SLCO3A1: variants seen among roughly 807,000 people sequenced by gnomAD.
SLCO3A1 encodes the protein PGE1 transporter.
In SLCO3A1, 27 loss-of-function variants were observed where a neutral mutation model predicts 63.1. That is an observed-to-expected ratio of 0.43 (90% confidence interval 0.32 to 0.59). The LOEUF (loss-of-function observed/expected upper bound fraction) is 0.59. Among genes scored for constraint, SLCO3A1 ranks in the 20% least tolerant of loss-of-function variants. The pLI is 0.09. For synonymous variants in SLCO3A1, 473 were observed against 409.9 expected (o/e 1.15, Z -1.86); for missense variants, 773 against 945.8 (o/e 0.82, Z 2.40).
At chr15:91,915,433 A>C (rs938760940) in intron 1 of SLCO3A1, among the ~76,000 whole-genome samples, 10 of 152,210 alleles carry the variant, frequency 6.6e-5, no homozygotes, top group African/African-American at 2.2e-4. Flanking sequence ...GGAAATTTCC[A>C]GACGGAAGCA....
intron 4 of SLCO3A1, among the ~76,000 whole-genome samples, chr15:92,120,183 T>C (rs2151560633): frequency 6.6e-6 from 1 of 152,284 alleles, no homozygotes; most frequent in Non-Finnish European, 1.5e-5. Context: ...AAAATTTTAC[T>C]GTGTCTAGTG....
At chr15:92,143,358 C>T (rs28544100) in intron 7 of SLCO3A1, among the ~76,000 whole-genome samples, 3,709 of 6,248 alleles carry the variant, frequency 0.59, 1,097 homozygotes, top group African/African-American at 0.78. Flanking sequence ...AGTCAACATA[C>T]ATATATATAT....
intron 2 of SLCO3A1, among the ~76,000 whole-genome samples, chr15:91,938,749 C>T (rs533142361): frequency 1.3e-5 from 2 of 152,312 alleles, no homozygotes; most frequent in South Asian, 2.1e-4. Context: ...AGAATCTATG[C>T]TCTTCACCTC....
At chr15:91,992,572 C>T (rs994995599) in intron 2 of SLCO3A1, among the ~76,000 whole-genome samples, 1 of 152,202 alleles carries the variant, frequency 6.6e-6, no homozygotes, top group African/African-American at 2.4e-5. Flanking sequence ...TGTCAACCAT[C>T]TGGCATGCAG....
At chr15:92,154,148 C>G (rs2048342730) in intron 9 of SLCO3A1, among the ~76,000 whole-genome samples, 1 of 152,136 alleles carries the variant, frequency 6.6e-6, no homozygotes, top group South Asian at 2.1e-4. Flanking sequence ...CGAGATGGTG[C>G]TCGCAGGATG....
At chr15:92,001,713 TG>T (rs1465618623) in intron 2 of SLCO3A1, among the ~76,000 whole-genome samples, 1 of 152,172 alleles carries the variant, frequency 6.6e-6, no homozygotes, top group Non-Finnish European at 1.5e-5. Flanking sequence ...AAAGTGGTCA[TG>T]TATTAAAGAT....
intron 6 of SLCO3A1, 139 bp downstream of exon 6, chr15:92,126,398 C>T: frequency 1.5e-6 from 1 of 669,874 alleles, no homozygotes; most frequent in Non-Finnish European, 2.6e-6. Flanking sequence ...TCTTACTGTC[C>T]ACGTTGGAGA....
At chr15:91,871,193 G>T (rs1897271479) in intron 1 of SLCO3A1, among the ~76,000 whole-genome samples, 1 of 152,156 alleles carries the variant, frequency 6.6e-6, no homozygotes. Context: ...TTGAAGGCTG[G>T]TTTTTTGTTT....
At chr15:91,963,734 C>T (rs756313106) in intron 2 of SLCO3A1, among the ~76,000 whole-genome samples, 6 of 151,848 alleles carry the variant, frequency 4.0e-5, no homozygotes, top group East Asian at 1.9e-4. Context: ...TTCGTGGTCT[C>T]GCTGACTTCA....
intron 2 of SLCO3A1, among the ~76,000 whole-genome samples, chr15:92,088,358 C>A (rs930665977): frequency 1.3e-5 from 2 of 152,110 alleles, no homozygotes; most frequent in Non-Finnish European, 2.9e-5. Context: ...ATGACACACA[C>A]AAAAAAATGT....
intron 1 of SLCO3A1, among the ~76,000 whole-genome samples, chr15:91,903,564 C>T (rs540084210): frequency 2.6e-5 from 4 of 152,162 alleles, no homozygotes; most frequent in Non-Finnish European, 5.9e-5. Flanking sequence ...TCAGCTGTTT[C>T]TCACCCACAC....
chr15:92,024,411 A>T (rs2046545894), intron 2 of SLCO3A1, among the ~76,000 whole-genome samples: 1 of 152,184 alleles, frequency 6.6e-6, no homozygotes, highest in Admixed American at 6.5e-5. Flanking sequence ...GTATGGACAT[A>T]CTGTGCTGTC....
In SLCO3A1 at chr15:91,996,270, A is replaced by C. The variant is rs546922330; in HGVS notation, c.646+79812A>C. Reference sequence around the variant, plus strand: ...TAGTAATCAAAACCATAAGGTATCTAAGGAAAAAATATGACAAAGATAAGA... The same window carrying C: ...TAGTAATCAAAACCATAAGGTATCTCAGGAAAAAATATGACAAAGATAAGA... On this transcript the variant is annotated intron_variant, in intron 2 of 9. Coordinates refer to ENST00000318445, the MANE Select transcript of SLCO3A1 (RefSeq NM_013272.4). 2.0e-5 allele frequency among the ~76,000 whole-genome samples: 3 copies of C among 152,296 alleles called. No homozygotes were observed. The South Asian group carries it at 6.2e-4, about 32-fold the overall frequency.
chr15:92,051,061 C>G (rs148715055), intron 2 of SLCO3A1, among the ~76,000 whole-genome samples: 9 of 152,348 alleles, frequency 5.9e-5, no homozygotes, highest in South Asian at 4.1e-4. Context: ...CTGTCACATA[C>G]ACCTGTTGTG....
chr15:92,058,332 A>C (rs916702168), intron 2 of SLCO3A1, among the ~76,000 whole-genome samples: 1 of 152,100 alleles, frequency 6.6e-6, no homozygotes, highest in African/African-American at 2.4e-5. Flanking sequence ...AACCCTATAC[A>C]TAAAGAATAA....
intron 1 of SLCO3A1, among the ~76,000 whole-genome samples, chr15:91,880,407 C>G (rs57189258): frequency 0.74 from 105,258 of 141,768 alleles, 40,008 homozygotes; most frequent in East Asian, 0.99. Context: ...CTCTCTCTCT[C>G]TCTGTGTGTG....
At chr15:91,878,789 C>T (rs949175360) in intron 1 of SLCO3A1, among the ~76,000 whole-genome samples, 1 of 152,084 alleles carries the variant, frequency 6.6e-6, no homozygotes, top group African/African-American at 2.4e-5. Flanking sequence ...TGAAAAAGTA[C>T]CCATGCTTCA....
chr15:91,906,153 G>C (rs1898301471), intron 1 of SLCO3A1, among the ~76,000 whole-genome samples: 1 of 152,174 alleles, frequency 6.6e-6, no homozygotes, highest in African/African-American at 2.4e-5. Flanking sequence ...AATACGTAAA[G>C]CGCTCCATAC....
At chr15:92,078,315 A>G (rs1215248584) in intron 2 of SLCO3A1, among the ~76,000 whole-genome samples, 1 of 152,252 alleles carries the variant, frequency 6.6e-6, no homozygotes, top group Non-Finnish European at 1.5e-5. Context: ...GCCTGGGCTC[A>G]TCCCCAAGGT....
Sources: allele counts gnomAD v4.1 joint callset (sites outside exome capture counted in the v4.1 genomes callset), GRCh38; gene constraint gnomAD v4.1.1; transcripts MANE v1.5; gene names NCBI Gene and HGNC (gene_info 2026-07-23, HGNC 2026-07-21).